The following ANAPC10 variants were observed in gnomAD, a reference collection of about 807,000 sequenced individuals.
ANAPC10 encodes anaphase-promoting complex subunit 10.
A neutral mutation model predicts 22.0 loss-of-function variants in ANAPC10; 12 were observed. The observed-to-expected ratio is 0.55, with a 90% CI of 0.35 to 0.88. The LOEUF is 0.88. Among genes scored for constraint, ANAPC10 ranks in the 40% least tolerant of loss-of-function variants. The probability of loss-of-function intolerance (pLI) is 0.01; values close to 1 mark genes in which losing one functional copy is unlikely to be tolerated. For missense variants in ANAPC10, 188 were observed against 220.9 expected (o/e 0.85, Z 0.94); for synonymous variants, 65 against 69.5 (o/e 0.94, Z 0.32).
chr4:145,081,748 A>C lies in ANAPC10; in HGVS notation c.118T>G (p.Phe40Val), dbSNP rs749034185. The change falls in exon 3 of 5, where the codon TTT (phenylalanine) becomes GTT (valine). Residue 40 changes from phenylalanine (F) to valine (V), a missense_variant and splice_region_variant. Transcript: ENST00000507656. ...TCATCTCGTAACTGATCCACTCCAA[A>C]TCCTAAAAACACCAAAAGTGTCAAT... ...VWSLSSCKPG[F>V]GVDQLRDDNL... 1.9e-6 allele frequency: 3 copies of C among 1,610,864 alleles called. No individual in the cohort carries two copies. Among genetic ancestry groups the C allele is most frequent in the East Asian group, 4.5e-5 (2 of 44,720 alleles).
intron 4 of ANAPC10, chr4:145,064,369 T>C: frequency 2.7e-6 from 1 of 367,684 alleles, no homozygotes; most frequent in South Asian, 8.9e-5. Context: ...TGTCTGAAAA[T>C]TTCAATAATA....
chr4:145,015,763 G>A (rs1432766991), intron 4 of ANAPC10, among the ~76,000 whole-genome samples: 1 of 152,142 alleles, frequency 6.6e-6, no homozygotes, highest in Non-Finnish European at 1.5e-5. Flanking sequence ...CTACAAGCTA[G>A]AAGAGATTAG....
chr4:145,022,706 T>G (rs1044463779), intron 4 of ANAPC10, among the ~76,000 whole-genome samples: 1 of 151,436 alleles, frequency 6.6e-6, no homozygotes, highest in African/African-American at 2.4e-5. Context: ...GAACTTTCTG[T>G]GAGCATGTAT....
intron 4 of ANAPC10, among the ~76,000 whole-genome samples, chr4:145,004,952 T>C (rs928723609): frequency 2.0e-5 from 3 of 152,174 alleles, no homozygotes; most frequent in Non-Finnish European, 4.4e-5. Flanking sequence ...AATTTGGCTA[T>C]GGATATGTGT....
intron 4 of ANAPC10, among the ~76,000 whole-genome samples, chr4:145,029,068 G>A (rs2127041305): frequency 6.6e-6 from 1 of 152,284 alleles, no homozygotes; most frequent in East Asian, 1.9e-4. Context: ...TACTGTTAAA[G>A]TGAGGGCATT....
chr4:145,057,309 A>G (rs926019840), intron 4 of ANAPC10, among the ~76,000 whole-genome samples: 2 of 152,220 alleles, frequency 1.3e-5, no homozygotes, highest in African/African-American at 4.8e-5. Context: ...AATTACATTA[A>G]GTAAACTGCC....
At position 145,026,920 on chromosome 4, in the gene ANAPC10, C is replaced by CATATATACATATATAT. The variant is rs1203858529; in HGVS notation, c.328-31318_328-31317insATATATATGTATATAT. Among the ~76,000 whole-genome samples the CATATATACATATATAT allele has an allele frequency of 9.1e-3, 154 of 17,014 alleles. 16 individuals carry two copies. The highest frequency in any genetic ancestry group is 0.038 in the Middle Eastern group (1 of 26). The allele number at this position is 17,014 out of a possible 152,430, so 11.2% of individuals were successfully genotyped here. On this transcript the variant is annotated intron_variant, in intron 4 of 4. Coordinates refer to ENST00000507656, the MANE Select transcript of ANAPC10 (RefSeq NM_001256706.2). ...CAAATGAAGTTTTTGCCTATACATA[C>CATATATACATATATAT]ATATATATATATATATATATATATA...
At chr4:145,024,523 T>A (rs776028479) in intron 4 of ANAPC10, among the ~76,000 whole-genome samples, 11 of 152,226 alleles carry the variant, frequency 7.2e-5, no homozygotes, top group Non-Finnish European at 1.3e-4. Flanking sequence ...AATTTCCTTG[T>A]ACATCTCCAT....
intron 2 of ANAPC10, among the ~76,000 whole-genome samples, chr4:145,083,103 T>G (rs537022930): frequency 6.6e-6 from 1 of 152,170 alleles, no homozygotes; most frequent in Admixed American, 6.5e-5. Context: ...ACTTAACATA[T>G]CTGGAGTTTT....
At chr4:145,096,784 A>T (rs1470613008) in intron 1 of ANAPC10, among the ~76,000 whole-genome samples, 1 of 151,972 alleles carries the variant, frequency 6.6e-6, no homozygotes, top group Non-Finnish European at 1.5e-5. Context: ...ACCTTGCTTC[A>T]AGCGATCCTC....
intron 4 of ANAPC10, among the ~76,000 whole-genome samples, chr4:144,999,661 C>T (rs1032062386): frequency 6.6e-6 from 1 of 152,220 alleles, no homozygotes; most frequent in Non-Finnish European, 1.5e-5. Context: ...CTATCCTCAT[C>T]AAGCTACCAA....
At chr4:145,073,495 T>G (rs761278129) in intron 3 of ANAPC10, among the ~76,000 whole-genome samples, 1 of 152,156 alleles carries the variant, frequency 6.6e-6, no homozygotes, top group Non-Finnish European at 1.5e-5. Context: ...TAAACTAATT[T>G]GTATGATTTG....
At chr4:145,071,519 AAAT>A (rs1744489489) in intron 3 of ANAPC10, among the ~76,000 whole-genome samples, 1 of 152,218 alleles carries the variant, frequency 6.6e-6, no homozygotes, top group African/African-American at 2.4e-5. Context: ...AATATTAAAT[AAAT>A]AATATTGAAT....
Position 144,994,748 on chromosome 4 carries a change from T to G in ANAPC10, c.*625A>C, listed in dbSNP as rs1731373493. 1 of 152,116 alleles carries G rather than the reference T, an allele frequency of 6.6e-6. No individual in the cohort carries two copies. The highest frequency in any genetic ancestry group is 6.6e-5 in the Admixed American group (1 of 15,260). 9.4% of individuals were successfully genotyped at this position (152,116 alleles called of 1,614,324 possible). A position where few individuals can be genotyped will look rare whatever the true frequency, so the allele number is the denominator to read the frequency against. On this transcript the variant is annotated 3_prime_UTR_variant, in exon 5 of 5. Transcript: ENST00000507656. Reference sequence around the variant, plus strand: ...ACTGCTAGATTATACAGGCAATCTTTACATAATATCATTAGGATACAGACA... The same window carrying G: ...ACTGCTAGATTATACAGGCAATCTTGACATAATATCATTAGGATACAGACA...
intron 4 of ANAPC10, among the ~76,000 whole-genome samples, chr4:145,013,768 T>C (rs1213056603): frequency 1.3e-5 from 2 of 152,074 alleles, no homozygotes; most frequent in Non-Finnish European, 2.9e-5. Flanking sequence ...GTACCCAAAC[T>C]GCAGAAGCAG....
chr4:145,007,836 T>A (rs1346100756), intron 4 of ANAPC10, among the ~76,000 whole-genome samples: 1 of 145,726 alleles, frequency 6.9e-6, no homozygotes, highest in African/African-American at 2.6e-5. Flanking sequence ...CAGAGCAGAA[T>A]TGAAGGACAC....
intron 4 of ANAPC10, among the ~76,000 whole-genome samples, chr4:144,996,087 C>T (rs182782824): frequency 2.3e-4 from 35 of 152,268 alleles, no homozygotes; most frequent in African/African-American, 7.9e-4. Flanking sequence ...AAGTAATTAA[C>T]GACAGGGTTC....
At chr4:145,055,926 C>CTTAAATTTAAATGTTTTA (rs1244938035) in intron 4 of ANAPC10, among the ~76,000 whole-genome samples, 1 of 152,068 alleles carries the variant, frequency 6.6e-6, no homozygotes, top group Non-Finnish European at 1.5e-5. Context: ...ATGTTTTTTG[C>CTTAAATTTAAATGTTTTA]AATTAAAAAA....
intron 4 of ANAPC10, among the ~76,000 whole-genome samples, 170 bp from the exon 5 acceptor site, chr4:144,995,773 A>AT (rs566699892): frequency 1.9e-4 from 29 of 152,232 alleles, no homozygotes; most frequent in Non-Finnish European, 3.1e-4. Flanking sequence ...TGGTCTACTT[A>AT]TAGTTGCTAA....
Sources: allele counts gnomAD v4.1 joint callset (sites outside exome capture counted in the v4.1 genomes callset), GRCh38; gene constraint gnomAD v4.1.1; transcripts MANE v1.5; gene names NCBI Gene and HGNC (gene_info 2026-07-23, HGNC 2026-07-21).